Variants in FANK1 observed in about 807,000 individuals in gnomAD.
The protein encoded by FANK1 is fibronectin type 3 and ankyrin repeat domains protein 1.
Under a neutral mutation model 45.3 loss-of-function variants are expected in FANK1, and 44 were observed. The observed-to-expected ratio is 0.97, with a 90% CI of 0.76 to 1.25. The LOEUF (loss-of-function observed/expected upper bound fraction) is 1.25, where lower values mean the gene tolerates loss of function less well. FANK1 is among the 50% of genes most tolerant of loss of function. FANK1 has a pLI of 0.00. For missense variants in FANK1, 391 were observed against 424.4 expected (o/e 0.92, Z 0.69); for synonymous variants, 149 against 152.5 (o/e 0.98, Z 0.17).
chr10:125,927,599 G>T (rs571970280), intron 1 of FANK1, among the ~76,000 whole-genome samples: 1 of 152,000 alleles, frequency 6.6e-6, no homozygotes, highest in South Asian at 2.1e-4. Context: ...GCCCAAGCTG[G>T]AGTGCAATGG....
chr10:125,946,711 A>C (rs1270287102), intron 1 of FANK1, among the ~76,000 whole-genome samples: 2,855 of 138,142 alleles, frequency 0.021, 9 homozygotes, highest in Non-Finnish European at 0.024. Context: ...AGAACTTCCC[A>C]AATCTAGCAA....
chr10:125,919,195 ATT>A (rs142716284), intron 1 of FANK1, among the ~76,000 whole-genome samples: 709 of 51,784 alleles, frequency 0.014, no homozygotes, highest in African/African-American at 0.043. Context: ...GGAGGTAAGA[ATT>A]TTTTTTTTTT....
In FANK1 at chr10:125,912,585, C is replaced by G. The variant is rs544093822; in HGVS notation, c.13+15930C>G. ...AAATATCCTGGTTAATAATTTACAC[C>G]CTTGGTTAAAATATTCAATCATCTA... On this transcript the variant is annotated intron_variant, in intron 1 of 10. Coordinates refer to ENST00000368693, the MANE Select transcript of FANK1 (RefSeq NM_145235.5). Among the ~76,000 whole-genome samples the G allele has an allele frequency of 3.3e-5, 5 of 151,882 alleles. No individual in the cohort carries two copies. In the East Asian group the frequency reaches 7.7e-4, roughly 24 times the overall value.
chr10:125,980,403 TTG>T, intron 2 of FANK1, 65 bp downstream of exon 2: 1 of 1,521,606 alleles, frequency 6.6e-7, no homozygotes, highest in South Asian at 1.3e-5. Flanking sequence ...ATGATTTCTG[TTG>T]TCTCTAAAAA....
intron 1 of FANK1, among the ~76,000 whole-genome samples, chr10:125,949,341 A>G (rs1949039175): frequency 6.6e-6 from 1 of 151,932 alleles, no homozygotes; most frequent in African/African-American, 2.4e-5. Context: ...CCCTGTTTGC[A>G]GACAACATGA....
At chr10:125,906,507 C>G (rs1437016066) in intron 1 of FANK1, among the ~76,000 whole-genome samples, 2 of 65,202 alleles carry the variant, frequency 3.1e-5, no homozygotes, top group African/African-American at 1.0e-4. Context: ...CAGAGCAAGA[C>G]TCTGTCTCAA....
rs182159120 is a variant in FANK1, at chr10:125,911,209, G to C, written c.13+14554G>C. On this transcript the variant is annotated intron_variant, in intron 1 of 10. Coordinates refer to ENST00000368693, the MANE Select transcript of FANK1 (RefSeq NM_145235.5). The stretch of plus-strand genomic sequence containing the variant: ...GTCCTTATAAGTGGGAAGAAGAAAC[G>C]TCAGACTCAGGCAATACGAAGATGG... Among the ~76,000 whole-genome samples, 15 of 152,230 alleles carry C rather than the reference G, an allele frequency of 9.9e-5. No individual in the cohort carries two copies. In the East Asian group the frequency reaches 2.7e-3, roughly 27 times the overall value.
At chr10:125,985,181 T>C (rs570310739) in intron 2 of FANK1, among the ~76,000 whole-genome samples, 1 of 152,370 alleles carries the variant, frequency 6.6e-6, no homozygotes, top group Admixed American at 6.5e-5. Flanking sequence ...CTGAATTTTA[T>C]TGGGAGCACT....
intron 1 of FANK1, among the ~76,000 whole-genome samples, chr10:125,979,630 A>G (rs1265232296): frequency 6.6e-6 from 1 of 152,134 alleles, no homozygotes; most frequent in Non-Finnish European, 1.5e-5. Context: ...ATCTTTCCAG[A>G]TATTACCTTG....
intron 1 of FANK1, among the ~76,000 whole-genome samples, chr10:125,967,940 G>C (rs1476525696): frequency 6.6e-6 from 1 of 152,240 alleles, no homozygotes; most frequent in South Asian, 2.1e-4. Context: ...TTTTTTTAAA[G>C]AATTGTGTAA....
chr10:125,987,115 A>G (rs776229511), intron 2 of FANK1, among the ~76,000 whole-genome samples: 1 of 152,024 alleles, frequency 6.6e-6, no homozygotes, highest in Non-Finnish European at 1.5e-5. Context: ...TCCCTTCTTC[A>G]CTGTCCTTGA....
chr10:125,972,880 A>C (rs1044918388), intron 1 of FANK1: 1 of 142,108 alleles, frequency 7.0e-6, no homozygotes, highest in Non-Finnish European at 1.5e-5. Context: ...CATTTGGATC[A>C]CTACCTGCCC....
intron 1 of FANK1, among the ~76,000 whole-genome samples, chr10:125,946,013 G>T (rs1047579666): frequency 5.3e-5 from 8 of 152,018 alleles, no homozygotes; most frequent in African/African-American, 1.2e-4. Context: ...CACCTCACAC[G>T]GCAGGGTATT....
At chr10:125,977,877 C>A (rs954535216) in intron 1 of FANK1, among the ~76,000 whole-genome samples, 11 of 151,470 alleles carry the variant, frequency 7.3e-5, no homozygotes, top group Admixed American at 7.2e-4. Context: ...AGTCTTTGCT[C>A]CTTTGTTAGT....
intron 1 of FANK1, among the ~76,000 whole-genome samples, chr10:125,922,377 A>C (rs551592245): frequency 6.6e-6 from 1 of 152,178 alleles, no homozygotes; most frequent in African/African-American, 2.4e-5. Flanking sequence ...ACGTTTCCCA[A>C]CCTGTCTGCT....
chr10:125,912,532 T>C (rs557710356), intron 1 of FANK1, among the ~76,000 whole-genome samples: 1 of 152,122 alleles, frequency 6.6e-6, no homozygotes, highest in African/African-American at 2.4e-5. Flanking sequence ...CTCTTAAAAA[T>C]GTCAGCAACT....
chr10:125,972,739 T>C (rs533219212), intron 1 of FANK1: 1 of 151,512 alleles, frequency 6.6e-6, no homozygotes. Flanking sequence ...ACACTAACCA[T>C]TGGCATTTCT....
At chr10:125,924,534 G>C (rs995234357) in intron 1 of FANK1, among the ~76,000 whole-genome samples, 34 of 152,226 alleles carry the variant, frequency 2.2e-4, no homozygotes, top group African/African-American at 8.2e-4. Flanking sequence ...TTACAGGCTT[G>C]AGCCACTGTG....
intron 1 of FANK1, chr10:125,979,740 C>G: frequency 2.4e-6 from 1 of 424,722 alleles, no homozygotes; most frequent in South Asian, 1.7e-5. Flanking sequence ...GCTGTTTATA[C>G]AGCATAGGTG....
Sources: gnomAD v4.1 joint callset for allele counts (sites outside exome capture counted in the v4.1 genomes callset) on GRCh38, gnomAD v4.1.1 for gene constraint, MANE v1.5 for transcripts, NCBI Gene and HGNC (gene_info 2026-07-23, HGNC 2026-07-21) for gene names.